Variants in MAP3K4 observed in about 807,000 individuals in gnomAD.
The protein encoded by MAP3K4 is mitogen-activated protein kinase kinase kinase 4, also known as MAP three kinase 1.
A neutral mutation model predicts 185.6 loss-of-function variants in MAP3K4; 67 were observed. The ratio of observed to expected loss-of-function variants is 0.36; its 90% CI spans 0.30 to 0.44. The LOEUF (loss-of-function observed/expected upper bound fraction) is 0.44. MAP3K4 is among the 20% of genes least tolerant of loss of function. The pLI is 1.00. For missense variants in MAP3K4, 1,551 were observed against 1,995.1 expected, an observed-to-expected ratio of 0.78 and a Z score of 4.24; for synonymous variants, 702 against 710.4, an observed-to-expected ratio of 0.99 and a Z score of 0.19.
intron 3 of MAP3K4, among the ~76,000 whole-genome samples, chr6:161,069,276 G>C (rs1784830829): frequency 6.6e-6 from 1 of 152,198 alleles, no homozygotes; most frequent in African/African-American, 2.4e-5. Context: ...GAAAGTCAAG[G>C]TAAACTCAGG....
At chr6:160,995,287 TG>T (rs1780937444) in intron 1 of MAP3K4, among the ~76,000 whole-genome samples, 1 of 152,262 alleles carries the variant, frequency 6.6e-6, no homozygotes, top group Admixed American at 6.5e-5. Flanking sequence ...TGATAATTTA[TG>T]CTACCAGGTT....
intron 1 of MAP3K4, among the ~76,000 whole-genome samples, chr6:161,031,889 C>A (rs1474648465): frequency 6.6e-6 from 1 of 152,184 alleles, no homozygotes; most frequent in Non-Finnish European, 1.5e-5. Context: ...CACATTCCTC[C>A]TCACCACAAA....
rs1285637810 is a variant in MAP3K4, at chr6:161,017,926, T to C, written c.153-16333T>C. On this transcript the variant is annotated intron_variant, in intron 1 of 26. Transcript: ENST00000392142. The surrounding 1 kb of genome is among the most constrained non-coding windows in gnomAD (Gnocchi z 5.1). ...GTTTTTTTAGATTAAAAAATATAAA[T>C]ATGCTGGGTTTTAGTGATTACAATA... 1.3e-5 allele frequency among the ~76,000 whole-genome samples: 2 copies of C among 152,194 alleles called. No homozygotes were observed. Among genetic ancestry groups the C allele is most frequent in the African/African-American group, 2.4e-5 (1 of 41,456 alleles).
In MAP3K4 at chr6:161,112,314, C is replaced by T. The variant is rs1434046409; in HGVS notation, c.4520-354C>T. Reference sequence around the variant, plus strand: ...AGCATACACCAGTCTCGTTGGCTGCCTGCCTGTCCACTACCTTGTCTAAAC... The same window carrying T: ...AGCATACACCAGTCTCGTTGGCTGCTTGCCTGTCCACTACCTTGTCTAAAC... On this transcript the variant is annotated intron_variant, in intron 24 of 26. Transcript: ENST00000392142. The surrounding 1 kb of genome is among the most constrained non-coding windows in gnomAD (Gnocchi z 5.1). Among the ~76,000 whole-genome samples the T allele has an allele frequency of 2.6e-5, 4 of 152,170 alleles. No homozygotes were observed. Among genetic ancestry groups the T allele is most frequent in the Non-Finnish European group, 5.9e-5 (4 of 68,042 alleles).
At chr6:161,000,236 T>C (rs1781204953) in intron 1 of MAP3K4, among the ~76,000 whole-genome samples, 1 of 152,244 alleles carries the variant, frequency 6.6e-6, no homozygotes, top group South Asian at 2.1e-4. Context: ...ACCTACTAAA[T>C]TGATTTTATT....
At position 161,054,659 on chromosome 6, in the gene MAP3K4, A is replaced by G. The variant is rs1203034301; in HGVS notation, c.1707+4680A>G. 3.9e-5 allele frequency among the ~76,000 whole-genome samples: 6 copies of G among 152,242 alleles called. No individual in the cohort carries two copies. Among genetic ancestry groups the G allele is most frequent in the Non-Finnish European group, 2.9e-5 (2 of 68,038 alleles). On this transcript the variant is annotated intron_variant, in intron 3 of 26. Coordinates refer to ENST00000392142, the MANE Select transcript of MAP3K4 (RefSeq NM_005922.4). This position sits in a 1 kb window ranked among gnomAD's most constrained non-coding sequence, Gnocchi z 4.2. Reference sequence around the variant, plus strand: ...TTCCTCAGGACACATTTCTAGTTACATAGGCAGTCTCTAATTGAAACAAAT... The same window carrying G: ...TTCCTCAGGACACATTTCTAGTTACGTAGGCAGTCTCTAATTGAAACAAAT...
chr6:161,058,092 TC>T lies in MAP3K4; in HGVS notation c.1707+8114del, dbSNP rs1311005774. ...CAAGGAAGAGGGCTAAGTAACTTGA[TC>T]AGGTCACAAATCTAGAAAGTGGCAG... On this transcript the variant is annotated intron_variant, in intron 3 of 26. Coordinates refer to ENST00000392142, the MANE Select transcript of MAP3K4 (RefSeq NM_005922.4). Among the ~76,000 whole-genome samples the T allele has an allele frequency of 3.9e-5, 6 of 152,334 alleles. No individual in the cohort carries two copies. In the East Asian group the frequency reaches 1.2e-3, roughly 29 times the overall value.
chr6:161,117,068 G>C lies in MAP3K4; in HGVS notation c.*198G>C. On this transcript the variant is annotated 3_prime_UTR_variant, in exon 27 of 27. Coordinates refer to ENST00000392142, the MANE Select transcript of MAP3K4 (RefSeq NM_005922.4). ...GGCCCTCTGGAGGGCTGGTGGCCAC[G>C]AGGTTAAAGAAGCTGCATGTTAAGT... 1 of 598,686 alleles carries C rather than the reference G, an allele frequency of 1.7e-6. No individual in the cohort carries two copies. The highest frequency in any genetic ancestry group is 3.0e-6 in the Non-Finnish European group (1 of 336,584). The allele number at this position is 598,686 out of a possible 1,614,324, so 37.1% of individuals were successfully genotyped here. A position where few individuals can be genotyped will look rare whatever the true frequency, so the allele number is the denominator to read the frequency against.
chr6:161,101,712 C>T lies in MAP3K4; in HGVS notation c.3675-180C>T. 3 of 571,186 alleles carry T rather than the reference C, an allele frequency of 5.3e-6. No individual in the cohort carries two copies. Among genetic ancestry groups the T allele is most frequent in the South Asian group, 4.0e-5 (2 of 49,526 alleles). 35.4% of individuals were successfully genotyped at this position (571,186 alleles called of 1,614,324 possible). ...GTGGGTCTGTCCTGTGCGTTTTCCG[C>T]TGCCCACTAGATGCCAGTAGCACCC... On this transcript the variant is annotated intron_variant, in intron 17 of 26. Coordinates refer to ENST00000392142, the MANE Select transcript of MAP3K4 (RefSeq NM_005922.4). The surrounding 1 kb of genome is among the most constrained non-coding windows in gnomAD (Gnocchi z 5.1).
chr6:160,992,246 G>GAT, intron 1 of MAP3K4, 163 bp downstream of exon 1: 3 of 994,606 alleles, frequency 3.0e-6, no homozygotes, highest in Non-Finnish European at 2.8e-6. Flanking sequence ...GGGTCCCAGG[G>GAT]GACCGCGTCT....
rs1777297640 is a variant in MAP3K4 at position 161,091,347 on chromosome 6, A to G, written c.2974-32A>G. On this transcript the variant is annotated intron_variant, in intron 11 of 26. Coordinates refer to ENST00000392142, the MANE Select transcript of MAP3K4 (RefSeq NM_005922.4). The surrounding 1 kb of genome is among the most constrained non-coding windows in gnomAD (Gnocchi z 5.5). ...TGGTAAGTATTGTATGATTTGCTTC[A>G]TTTTGCATTAATCATGGTTTGGACT... 6.3e-7 allele frequency: 1 copy of G among 1,587,506 alleles called. No homozygotes were observed. The highest frequency in any genetic ancestry group is 8.6e-7 in the Non-Finnish European group (1 of 1,164,118).
At chr6:161,032,475 C>T (rs6926590) in intron 1 of MAP3K4, among the ~76,000 whole-genome samples, 10,059 of 152,190 alleles carry the variant, frequency 0.066, 404 homozygotes, top group African/African-American at 0.11. Context: ...TATTTATTAT[C>T]CTTATTTTGT....
intron 3 of MAP3K4, among the ~76,000 whole-genome samples, chr6:161,066,410 C>CTTTTTTTTTTTTT (rs1325667311): frequency 7.1e-6 from 1 of 141,782 alleles, no homozygotes; most frequent in Non-Finnish European, 1.6e-5. Context: ...TTCATCTTTT[C>CTTTTTTTTTTTTT]TTTTTTTTTT....
rs1202635180 is a variant in MAP3K4 at position 161,007,382 on chromosome 6, TAGAG to T, written c.152+15300_152+15303del. ...AAAACGTGGGAATTACTGAGGAAGA[TAGAG>T]GGAGGGCTAATTTTACAATATGCAA... On this transcript the variant is annotated intron_variant, in intron 1 of 26. Coordinates refer to ENST00000392142, the MANE Select transcript of MAP3K4 (RefSeq NM_005922.4). This position sits in a 1 kb window ranked among gnomAD's most constrained non-coding sequence, Gnocchi z 4.5. Among the ~76,000 whole-genome samples, 1 of 152,072 alleles carries T rather than the reference TAGAG, an allele frequency of 6.6e-6. No homozygotes were observed. The highest frequency in any genetic ancestry group is 1.5e-5 in the Non-Finnish European group (1 of 68,008).
intron 1 of MAP3K4, among the ~76,000 whole-genome samples, chr6:160,998,910 A>G (rs1781138146): frequency 6.6e-6 from 1 of 152,234 alleles, no homozygotes; most frequent in South Asian, 2.1e-4. Context: ...TTTATTCACT[A>G]GCAGGCAACA....
In MAP3K4 at chr6:161,048,190, A is replaced by G; in HGVS notation, c.344-426A>G. 1 of 514,482 alleles carries G rather than the reference A, an allele frequency of 1.9e-6. No individual in the cohort carries two copies. The highest frequency in any genetic ancestry group is 2.1e-5 in the Admixed American group (1 of 47,694). The allele number at this position is 514,482 out of a possible 1,614,324, so 31.9% of individuals were successfully genotyped here. A position where few individuals can be genotyped will look rare whatever the true frequency, so the allele number is the denominator to read the frequency against. Reference sequence around the variant, plus strand: ...AGATAATTTACGTGATTTCCTCTTAAGTTTACACATTTAGCTAATGACAAA... The same window carrying G: ...AGATAATTTACGTGATTTCCTCTTAGGTTTACACATTTAGCTAATGACAAA... On this transcript the variant is annotated intron_variant, in intron 2 of 26. Coordinates refer to ENST00000392142, the MANE Select transcript of MAP3K4 (RefSeq NM_005922.4). The surrounding 1 kb of genome is among the most constrained non-coding windows in gnomAD (Gnocchi z 4.7).
In MAP3K4 at chr6:161,110,107, C is replaced by T. The variant is rs942745687; in HGVS notation, c.4396+193C>T. ...ACTCATGTCTCTCTACCCAGGAGTC[C>T]GCTCTTTCTGTTCAACACTGCTTTT... On this transcript the variant is annotated intron_variant, in intron 23 of 26. Transcript: ENST00000392142. The surrounding 1 kb of genome is among the most constrained non-coding windows in gnomAD (Gnocchi z 4.8). Among the ~76,000 whole-genome samples the T allele has an allele frequency of 6.6e-6, 1 of 152,158 alleles. No homozygotes were observed. Among genetic ancestry groups the T allele is most frequent in the Non-Finnish European group, 1.5e-5 (1 of 68,032 alleles).
intron 1 of MAP3K4, among the ~76,000 whole-genome samples, chr6:161,020,586 G>T (rs1364923156): frequency 6.6e-6 from 1 of 150,888 alleles, no homozygotes; most frequent in Non-Finnish European, 1.5e-5. Context: ...TGAACCCGGG[G>T]AGTGGAGGCT....
chr6:161,058,885 G>A (rs1289135097), intron 3 of MAP3K4, among the ~76,000 whole-genome samples: 1 of 151,748 alleles, frequency 6.6e-6, no homozygotes, highest in African/African-American at 2.4e-5. Flanking sequence ...TTTTTTGCTT[G>A]TGTAAACAAT....
Sources: allele counts gnomAD v4.1 joint callset (sites outside exome capture counted in the v4.1 genomes callset), GRCh38; gene constraint gnomAD v4.1.1; non-coding constraint Gnocchi (gnomAD v3.1); transcripts MANE v1.5; gene names NCBI Gene and HGNC (gene_info 2026-07-23, HGNC 2026-07-21).